RGS6: variants seen among roughly 807,000 people sequenced by gnomAD.
RGS6 encodes regulator of G-protein signaling 6.
RGS6 carries 30 observed loss-of-function variants against 78.5 expected under a neutral mutation model. The observed-to-expected ratio is 0.38, with a 90% CI of 0.29 to 0.52. The LOEUF (loss-of-function observed/expected upper bound fraction) is 0.52, where lower values mean the gene tolerates loss of function less well. RGS6 is among the 20% of genes least tolerant of loss of function. RGS6 has a pLI of 0.85. For synonymous variants in RGS6, 206 were observed against 206.0 expected (o/e 1.00, Z 0.00); for missense variants, 495 against 609.7 (o/e 0.81, Z 1.98).
At chr14:72,566,937 T>C (rs1306419453), downstream of RGS6, among the ~76,000 whole-genome samples, 1 of 152,104 alleles carries the variant, frequency 6.6e-6, no homozygotes, top group Middle Eastern at 3.2e-3. Context: ...AGACGGTGCT[T>C]CTTACACAGA....
At chr14:71,961,254 C>T (rs2093174295) in intron 1 of RGS6, among the ~76,000 whole-genome samples, 2 of 152,132 alleles carry the variant, frequency 1.3e-5, no homozygotes. Flanking sequence ...ATGGAACATT[C>T]TGGTGAGAAC....
chr14:72,446,783 G>C (rs917271381), intron 3 of RGS6, among the ~76,000 whole-genome samples: 7 of 152,182 alleles, frequency 4.6e-5, no homozygotes, highest in African/African-American at 1.7e-4. Flanking sequence ...TCAGGCATTA[G>C]ATTCTCATAA....
the RGS6 span, among the ~76,000 whole-genome samples, chr14:72,593,711 G>A: frequency 2.6e-5 from 4 of 152,126 alleles, no homozygotes; most frequent in African/African-American, 9.7e-5. Context: ...TATATCCACT[G>A]TATAACTCTT....
At chr14:72,583,107 T>A in the RGS6 span, among the ~76,000 whole-genome samples, 1 of 152,306 alleles carries the variant, frequency 6.6e-6, no homozygotes, top group African/African-American at 2.4e-5. Context: ...ATCTCCAGCA[T>A]TCAGACTCTG....
chr14:72,391,637 C>T (rs1052672123), intron 3 of RGS6, among the ~76,000 whole-genome samples: 11 of 152,214 alleles, frequency 7.2e-5, no homozygotes, highest in African/African-American at 2.4e-4. Flanking sequence ...CTAGGGTACA[C>T]ATGCACAACG....
At chr14:72,015,379 C>A (rs1248542102) in intron 2 of RGS6, among the ~76,000 whole-genome samples, 2 of 152,230 alleles carry the variant, frequency 1.3e-5, no homozygotes, top group Non-Finnish European at 2.9e-5. Flanking sequence ...CAGTTCCAAC[C>A]TCCAACATTG....
intron 2 of RGS6, among the ~76,000 whole-genome samples, chr14:72,154,113 T>G (rs890525762): frequency 1.3e-5 from 2 of 152,154 alleles, no homozygotes; most frequent in African/African-American, 4.8e-5. Context: ...GAAAATAATT[T>G]AGTGATATCT....
At chr14:72,437,392 T>C (rs1255942574) in intron 3 of RGS6, among the ~76,000 whole-genome samples, 1 of 151,010 alleles carries the variant, frequency 6.6e-6, no homozygotes, top group Non-Finnish European at 1.5e-5. Context: ...CTAGATTCTG[T>C]AAGCACCTAC....
chr14:72,255,271 C>T (rs1193806257), intron 2 of RGS6, among the ~76,000 whole-genome samples: 3 of 152,084 alleles, frequency 2.0e-5, no homozygotes, highest in Admixed American at 1.3e-4. Flanking sequence ...GGTAGGTCCA[C>T]GGTGGCCTAG....
At chr14:72,001,615 C>T (rs1379755681) in intron 2 of RGS6, among the ~76,000 whole-genome samples, 4 of 152,050 alleles carry the variant, frequency 2.6e-5, no homozygotes, top group Non-Finnish European at 4.4e-5. Context: ...AAATTAAAGA[C>T]ATATTCTCTT....
intron 6 of RGS6, among the ~76,000 whole-genome samples, chr14:72,461,291 T>C (rs2095774316): frequency 6.6e-6 from 1 of 152,180 alleles, no homozygotes; most frequent in South Asian, 2.1e-4. Flanking sequence ...ACCAGATACC[T>C]GGGCCCAAGT....
At chr14:72,102,966 C>T (rs1197798434) in intron 2 of RGS6, among the ~76,000 whole-genome samples, 5 of 152,142 alleles carry the variant, frequency 3.3e-5, no homozygotes, top group African/African-American at 1.2e-4. Flanking sequence ...GCTAGATTTA[C>T]AAGATTGTCT....
At chr14:72,405,158 G>T (rs1566753375) in intron 3 of RGS6, among the ~76,000 whole-genome samples, 1 of 152,152 alleles carries the variant, frequency 6.6e-6, no homozygotes, top group South Asian at 2.1e-4. Context: ...GAACGTAAAG[G>T]GGGAGCTGGG....
intron 3 of RGS6, among the ~76,000 whole-genome samples, chr14:72,397,945 C>T (rs979187128): frequency 3.9e-5 from 6 of 152,076 alleles, no homozygotes; most frequent in African/African-American, 7.2e-5. Context: ...CTGCTGGATT[C>T]GGTTTGCCAG....
In RGS6 at chr14:72,144,780, C is replaced by G. The variant is rs78755330; in HGVS notation, c.84+179905C>G. Among the ~76,000 whole-genome samples the G allele has an allele frequency of 4.7e-4, 72 of 151,644 alleles. 1 individual carries two copies. In the East Asian group the frequency reaches 0.013, roughly 28 times the overall value. On this transcript the variant is annotated intron_variant, in intron 2 of 17. Transcript: ENST00000553525. ...TTTTTTTTGAAGCGGTATAACCACC[C>G]AGTGGGTTCACATTGCCTGCTGCCT...
the RGS6 span, among the ~76,000 whole-genome samples, chr14:71,885,678 A>AAAATTAAT: frequency 6.6e-6 from 1 of 152,240 alleles, no homozygotes; most frequent in African/African-American, 2.4e-5. Context: ...CAAGGGCTGC[A>AAAATTAAT]AAATTAATAA....
chr14:72,611,918 G>A, the RGS6 span, among the ~76,000 whole-genome samples: 2 of 152,100 alleles, frequency 1.3e-5, no homozygotes, highest in Non-Finnish European at 2.9e-5. Context: ...CGCGATACTT[G>A]ACCTACAATC....
intron 2 of RGS6, among the ~76,000 whole-genome samples, chr14:72,135,921 G>T (rs1356316995): frequency 6.6e-6 from 1 of 152,134 alleles, no homozygotes; most frequent in Non-Finnish European, 1.5e-5. Context: ...GGGAGGAAAA[G>T]TCAAGGAAAC....
rs113617305 is a variant in RGS6, at chr14:72,013,172, G to A, written c.84+48297G>A. On this transcript the variant is annotated intron_variant, in intron 2 of 17. Transcript: ENST00000553525. ...TGTAATGCCAACTACTCGGGAGGTTGAGGCAGGAGAATCTCTTGAACCTGG... is the reference window on the plus strand; with the variant it reads ...TGTAATGCCAACTACTCGGGAGGTTAAGGCAGGAGAATCTCTTGAACCTGG... 3.5e-3 allele frequency among the ~76,000 whole-genome samples: 519 copies of A among 148,428 alleles called. 4 individuals are homozygous for A. The highest frequency in any genetic ancestry group is 0.011 in the African/African-American group (448 of 40,172).
Sources: gnomAD v4.1 joint callset for allele counts (sites outside exome capture counted in the v4.1 genomes callset) on GRCh38, gnomAD v4.1.1 for gene constraint, MANE v1.5 for transcripts, NCBI Gene and HGNC (gene_info 2026-07-23, HGNC 2026-07-21) for gene names.